The following ZCCHC7 variants were observed in gnomAD, a reference collection of about 807,000 sequenced individuals.
ZCCHC7 encodes the protein zinc finger CCHC-type containing 7.
ZCCHC7 carries 35 observed loss-of-function variants against 52.0 expected under a neutral mutation model. That is an observed-to-expected ratio of 0.67 (90% CI 0.51 to 0.89). The LOEUF (loss-of-function observed/expected upper bound fraction) is 0.89, where lower values mean the gene tolerates loss of function less well. ZCCHC7 is among the 40% of genes least tolerant of loss of function. The pLI is 0.00. For synonymous variants in ZCCHC7, 217 were observed against 221.5 expected (o/e 0.98, Z 0.18); for missense variants, 574 against 649.1 (o/e 0.88, Z 1.26).
chr9:37,162,354 A>G (rs1342680478), intron 2 of ZCCHC7, among the ~76,000 whole-genome samples: 1 of 152,202 alleles, frequency 6.6e-6, no homozygotes, highest in Admixed American at 6.5e-5. Context: ...CTAAATCTCC[A>G]GAAGTCCCTC....
At chr9:37,153,714 G>A (rs1820665077) in intron 2 of ZCCHC7, among the ~76,000 whole-genome samples, 1 of 151,448 alleles carries the variant, frequency 6.6e-6, no homozygotes. Flanking sequence ...TTACTTCCTG[G>A]CACTGCAAGA....
At position 37,354,939 on chromosome 9, in the gene ZCCHC7, AATT is replaced by A; in HGVS notation, c.1198+117_1198+119del. ...GGTTAGCATAGAAAGTATTTTTAGT[AATT>A]ACCAAAGAGACTGGAACTTTCTTGA... is the stretch of plus-strand genomic sequence containing the variant. On this transcript the variant is annotated intron_variant, in intron 8 of 8. Coordinates refer to ENST00000336755, the MANE Select transcript of ZCCHC7 (RefSeq NM_032226.3). This position sits in a 1 kb window ranked among gnomAD's most constrained non-coding sequence, Gnocchi z 4.0. The A allele has an allele frequency of 1.6e-6, 1 of 626,428 alleles. No homozygotes were observed. The highest frequency in any genetic ancestry group is 2.7e-6 in the Non-Finnish European group (1 of 374,624). The allele number at this position is 626,428 out of a possible 1,614,324, so 38.8% of individuals were successfully genotyped here.
At position 37,126,515 on chromosome 9, in the gene ZCCHC7, T is replaced by C. The variant is rs748675462; in HGVS notation, c.183T>C (p.Asn61=). 1.2e-6 allele frequency: 2 copies of C among 1,613,854 alleles called. No individual in the cohort carries two copies. Among genetic ancestry groups the C allele is most frequent in the South Asian group, 1.1e-5 (1 of 91,074 alleles). The part of the protein sequence containing the change: ...EEEHEEKNSG[N]SESSSSKPNQ... Reference sequence around the variant, plus strand: ...AGCATGAAGAAAAGAACTCTGGGAATTCGGAATCTTCGAGTAGTAAACCAA... The same window carrying C: ...AGCATGAAGAAAAGAACTCTGGGAACTCGGAATCTTCGAGTAGTAAACCAA... The change falls in exon 2 of 9, where the codon AAT becomes AAC. Residue 61 remains asparagine (N), a synonymous_variant. Transcript: ENST00000336755.
In ZCCHC7 at chr9:37,307,392, G is replaced by T. The variant is rs1829377924; in HGVS notation, c.951+1678G>T. Among the ~76,000 whole-genome samples, 4 of 152,106 alleles carry T rather than the reference G, an allele frequency of 2.6e-5. No individual in the cohort carries two copies. The South Asian group carries it at 8.3e-4, about 32-fold the overall frequency. ...CGTTTCTTACTACATAGTAACATAT[G>T]TTTATTTTATATTAACAGCTAATCA... On this transcript the variant is annotated intron_variant, in intron 5 of 8. Coordinates refer to ENST00000336755, the MANE Select transcript of ZCCHC7 (RefSeq NM_032226.3).
intron 2 of ZCCHC7, among the ~76,000 whole-genome samples, chr9:37,132,166 A>G (rs559826407): frequency 6.6e-6 from 1 of 152,124 alleles, no homozygotes; most frequent in Non-Finnish European, 1.5e-5. Context: ...GTGGAAGAAA[A>G]GATGCACCGA....
At chr9:37,186,757 G>A (rs1194014538) in intron 2 of ZCCHC7, 2 of 563,332 alleles carry the variant, frequency 3.6e-6, no homozygotes, top group Non-Finnish European at 6.7e-6. Flanking sequence ...ATTAAAGATG[G>A]AATGATTCAT....
chr9:37,278,003 A>AT (rs1436501205), intron 2 of ZCCHC7, among the ~76,000 whole-genome samples: 2 of 122,146 alleles, frequency 1.6e-5, no homozygotes, highest in East Asian at 4.6e-4. Context: ...AAAAAAAAAA[A>AT]GTTTTTTTGT....
chr9:37,242,737 AT>A (rs894459874), intron 2 of ZCCHC7, among the ~76,000 whole-genome samples: 5 of 151,816 alleles, frequency 3.3e-5, no homozygotes, highest in African/African-American at 1.2e-4. Context: ...GCCTCAAGTT[AT>A]TTTAAATTGT....
chr9:37,150,709 G>T (rs1407578221), intron 2 of ZCCHC7, among the ~76,000 whole-genome samples: 1 of 152,128 alleles, frequency 6.6e-6, no homozygotes, highest in Non-Finnish European at 1.5e-5. Context: ...GTCCTCTTAA[G>T]TTTTTTAACA....
intron 2 of ZCCHC7, among the ~76,000 whole-genome samples, chr9:37,267,009 T>C (rs566998016): frequency 1.9e-3 from 288 of 152,302 alleles, no homozygotes; most frequent in South Asian, 5.2e-3. Context: ...AAAAATGTTA[T>C]ATTGAGAGAG....
intron 2 of ZCCHC7, among the ~76,000 whole-genome samples, chr9:37,285,275 G>C (rs1018516714): frequency 2.6e-5 from 4 of 152,148 alleles, no homozygotes. Context: ...GAGAGAAAGA[G>C]AAAATGTTTA....
At chr9:37,249,455 C>T (rs1332392500) in intron 2 of ZCCHC7, among the ~76,000 whole-genome samples, 1 of 84,208 alleles carries the variant, frequency 1.2e-5, no homozygotes, top group Non-Finnish European at 2.4e-5. Context: ...TCTTCTTCTT[C>T]CTTTTTTTTT....
At chr9:37,305,918 C>A (rs1317934120) in intron 5 of ZCCHC7, among the ~76,000 whole-genome samples, 1 of 151,608 alleles carries the variant, frequency 6.6e-6, no homozygotes, top group Non-Finnish European at 1.5e-5. Context: ...GGGTAAGGAG[C>A]CTACTGAATC....
At chr9:37,297,211 A>G (rs1297075395) in intron 2 of ZCCHC7, among the ~76,000 whole-genome samples, 1 of 152,178 alleles carries the variant, frequency 6.6e-6, no homozygotes, top group Non-Finnish European at 1.5e-5. Context: ...TTAGCCTTCT[A>G]TTGTTAAAAA....
intron 2 of ZCCHC7, among the ~76,000 whole-genome samples, chr9:37,178,613 T>A (rs1373111347): frequency 6.6e-6 from 1 of 152,156 alleles, no homozygotes; most frequent in Non-Finnish European, 1.5e-5. Flanking sequence ...TTTAACGCGG[T>A]GTTGGTACAT....
At chr9:37,245,759 G>A (rs1826056383) in intron 2 of ZCCHC7, among the ~76,000 whole-genome samples, 1 of 152,026 alleles carries the variant, frequency 6.6e-6, no homozygotes, top group Admixed American at 6.6e-5. Context: ...ATTAGGACCT[G>A]AAGAATAATT....
rs1821030701 is a variant in ZCCHC7 at position 37,347,096 on chromosome 9, C to T, written c.988-2261C>T. Among the ~76,000 whole-genome samples the T allele has an allele frequency of 3.3e-5, 5 of 152,202 alleles. No individual in the cohort carries two copies. The South Asian group carries it at 1.0e-3, about 32-fold the overall frequency. ...ACGTTTAAGCCGATCCTTAACTTTT[C>T]TTCCAGTCTCCACAAAGCGTGGGGG... On this transcript the variant is annotated intron_variant, in intron 6 of 8. Transcript: ENST00000336755.
intron 2 of ZCCHC7, chr9:37,160,166 T>C (rs1270970515): frequency 6.6e-6 from 1 of 152,200 alleles, no homozygotes; most frequent in Non-Finnish European, 1.5e-5. Context: ...GTGTTACAAC[T>C]AATGGATCAC....
At chr9:37,202,470 C>T (rs1309252398) in intron 2 of ZCCHC7, among the ~76,000 whole-genome samples, 1 of 152,152 alleles carries the variant, frequency 6.6e-6, no homozygotes, top group Non-Finnish European at 1.5e-5. Context: ...TAAATCATGG[C>T]TATTTAAATA....
Sources: gnomAD v4.1 joint callset for allele counts (sites outside exome capture counted in the v4.1 genomes callset) on GRCh38, gnomAD v4.1.1 for gene constraint, Gnocchi (gnomAD v3.1) non-coding constraint, MANE v1.5 for transcripts, NCBI Gene and HGNC (gene_info 2026-07-23, HGNC 2026-07-21) for gene names.